The following CFAP251 variants were observed in gnomAD, a reference collection of about 807,000 sequenced individuals.
The protein encoded by CFAP251 is cilia and flagella associated protein 251, also known as cilia- and flagella-associated protein 251.
Under a neutral mutation model 126.7 loss-of-function variants are expected in CFAP251, and 93 were observed. The observed-to-expected ratio is 0.73, with a 90% CI of 0.62 to 0.87. CFAP251 has a LOEUF of 0.87. Among genes scored for constraint, CFAP251 ranks in the 40% least tolerant of loss-of-function variants. The probability of loss-of-function intolerance (pLI) is 0.00; values close to 1 mark genes in which losing one functional copy is unlikely to be tolerated. For synonymous variants in CFAP251, 503 were observed against 506.9 expected (o/e 0.99, Z 0.10); for missense variants, 1,287 against 1,389.2 (o/e 0.93, Z 1.17).
intron 19 of CFAP251, chr12:121,998,891 A>G (rs927958649): frequency 1.7e-5 from 2 of 115,770 alleles, no homozygotes; most frequent in Admixed American, 8.2e-5. Context: ...CCCTGTATCA[A>G]AAAAAAAAAA....
At chr12:121,979,980 T>G (rs1318958496) in intron 19 of CFAP251, among the ~76,000 whole-genome samples, 2 of 152,218 alleles carry the variant, frequency 1.3e-5, no homozygotes, top group Non-Finnish European at 2.9e-5. Context: ...AGCCAGGCCC[T>G]CATCCATGTC....
At chr12:121,948,712 T>A in intron 7 of CFAP251, 1 of 241,832 alleles carries the variant, frequency 4.1e-6, no homozygotes, top group Admixed American at 6.0e-5. Flanking sequence ...AGAGCAAGAC[T>A]CTGGCTCAAA....
At chr12:121,961,659 G>A (rs2135785681) in intron 14 of CFAP251, among the ~76,000 whole-genome samples, 1 of 152,342 alleles carries the variant, frequency 6.6e-6, no homozygotes, top group South Asian at 2.1e-4. Flanking sequence ...AAGCCACTCT[G>A]AACATCCTTG....
At chr12:121,990,854 C>G (rs567065875) in intron 19 of CFAP251, among the ~76,000 whole-genome samples, 40 of 152,308 alleles carry the variant, frequency 2.6e-4, no homozygotes, top group Non-Finnish European at 5.3e-4. Context: ...GGCGATGGAG[C>G]CTGTTAGTTC....
chr12:121,987,373 C>G (rs1351573141), intron 19 of CFAP251, among the ~76,000 whole-genome samples: 1 of 152,118 alleles, frequency 6.6e-6, no homozygotes, highest in Non-Finnish European at 1.5e-5. Context: ...ACATGTAAAG[C>G]ATTTAAAGAA....
At chr12:121,979,530 C>A (rs1273249917) in intron 19 of CFAP251, among the ~76,000 whole-genome samples, 1 of 145,824 alleles carries the variant, frequency 6.9e-6, no homozygotes, top group African/African-American at 2.5e-5. Context: ...GGGCTCAACA[C>A]ACTGAGTGAG....
intron 4 of CFAP251, chr12:121,932,375 ACT>A (rs1491198577): frequency 1.3e-5 from 2 of 151,876 alleles, no homozygotes; most frequent in African/African-American, 2.4e-5. Flanking sequence ...GTAAACAATG[ACT>A]CTACATCTCC....
At chr12:121,927,751 T>C (rs967676745) in intron 3 of CFAP251, among the ~76,000 whole-genome samples, 2 of 152,210 alleles carry the variant, frequency 1.3e-5, no homozygotes, top group African/African-American at 4.8e-5. Flanking sequence ...CTCTCCTTAG[T>C]GCTAAGGCCT....
chr12:121,958,257 C>G lies in CFAP251; in HGVS notation c.1731-15C>G, dbSNP rs199541254. 2 of 1,613,476 alleles carry G rather than the reference C, an allele frequency of 1.2e-6. No homozygotes were observed. Among genetic ancestry groups the G allele is most frequent in the East Asian group, 2.2e-5 (1 of 44,872 alleles). On this transcript the variant is annotated splice_polypyrimidine_tract_variant and intron_variant, in intron 11 of 21. Coordinates refer to ENST00000288912, the MANE Select transcript of CFAP251 (RefSeq NM_144668.6). ...TGCAAACACTGATATTGTTTGGTCT[C>G]TCCTTGGCAAACAGGAATTTTATCA...
At chr12:121,931,244 G>A (rs1046847515) in intron 3 of CFAP251, among the ~76,000 whole-genome samples, 1 of 152,140 alleles carries the variant, frequency 6.6e-6, no homozygotes, top group African/African-American at 2.4e-5. Context: ...TTCTAATGGA[G>A]ATATAATTAA....
intron 19 of CFAP251, among the ~76,000 whole-genome samples, chr12:121,990,403 G>A (rs1394697782): frequency 1.3e-5 from 2 of 152,234 alleles, no homozygotes; most frequent in Non-Finnish European, 2.9e-5. Flanking sequence ...GTGGGCTTAG[G>A]TTATGTAGGG....
At chr12:121,978,281 C>T (rs1170415779) in intron 19 of CFAP251, among the ~76,000 whole-genome samples, 3 of 149,698 alleles carry the variant, frequency 2.0e-5, no homozygotes, top group African/African-American at 4.9e-5. Context: ...ATAGTCCCAG[C>T]TACTCAGGAG....
chr12:121,932,479 C>G (rs948958795), intron 4 of CFAP251: 1 of 152,676 alleles, frequency 6.5e-6, no homozygotes, highest in Non-Finnish European at 1.5e-5. Context: ...GAGCCTCCCC[C>G]ATTTGTCCTT....
At chr12:121,921,705 T>G (rs1459010754) in intron 2 of CFAP251, 22 bp downstream of exon 2, 1 of 1,583,118 alleles carries the variant, frequency 6.3e-7, no homozygotes, top group South Asian at 1.2e-5. Context: ...TCTTAATTCA[T>G]TCATCAATTC....
chr12:121,928,626 GTATATATATACGTATATATA>G (rs1344344911), intron 3 of CFAP251, among the ~76,000 whole-genome samples: 9 of 43,182 alleles, frequency 2.1e-4, no homozygotes, highest in South Asian at 7.1e-4. Context: ...ATGTATATGT[GTATATATATACGTATATATA>G]TATATATATA....
At position 121,923,999 on chromosome 12, in the gene CFAP251, A is replaced by G; in HGVS notation, c.747+9A>G. On this transcript the variant is annotated intron_variant, in intron 3 of 21. Coordinates refer to ENST00000288912, the MANE Select transcript of CFAP251 (RefSeq NM_144668.6). The stretch of plus-strand genomic sequence containing the variant: ...CCCCGGTGTATCCCTTGGTAAGTGT[A>G]ATGCTTTTAAATCTCCCCCAGTGCT... The G allele has an allele frequency of 6.5e-7, 1 of 1,538,356 alleles. No homozygotes were observed. Among genetic ancestry groups the G allele is most frequent in the Non-Finnish European group, 8.7e-7 (1 of 1,151,160 alleles).
rs761416574 is a variant in CFAP251, at chr12:122,003,664, G to T, written c.3350G>T (p.Cys1117Phe). ...TTGTTTTGGCTAGGTTCAGAAATTT[G>T]CCTTGAAGAAGAACTTCCAGACGAA... ...ATCSVKGSEI[C>F]LEEELPDEIT... The change falls in exon 22 of 22, where the codon TGC becomes TTC. Residue 1117 changes from cysteine (C) to phenylalanine (F), a missense_variant. Coordinates refer to ENST00000288912, the MANE Select transcript of CFAP251 (RefSeq NM_144668.6). The T allele has an allele frequency of 1.6e-5, 25 of 1,608,916 alleles. No individual in the cohort carries two copies. The highest frequency in any genetic ancestry group is 1.3e-5 in the Non-Finnish European group (15 of 1,178,626).
chr12:121,978,069 A>G (rs1005170754), intron 19 of CFAP251, among the ~76,000 whole-genome samples: 2 of 151,828 alleles, frequency 1.3e-5, no homozygotes, highest in East Asian at 3.9e-4. Flanking sequence ...TTCCCTTAAT[A>G]GTGTATCATA....
chr12:121,992,133 G>C (rs373272914), intron 19 of CFAP251: 2 of 893,210 alleles, frequency 2.2e-6, no homozygotes, highest in South Asian at 5.2e-5. Context: ...CCACCAGTGC[G>C]TCTGGGCCGC....
Sources: allele counts gnomAD v4.1 joint callset (sites outside exome capture counted in the v4.1 genomes callset), GRCh38; gene constraint gnomAD v4.1.1; transcripts MANE v1.5; gene names NCBI Gene and HGNC (gene_info 2026-07-23, HGNC 2026-07-21).